The following FBXL7 variants were observed in gnomAD, a reference collection of about 807,000 sequenced individuals.
FBXL7 encodes the protein F-box and leucine rich repeat protein 7, also known as F-box/LRR-repeat protein 7.
FBXL7 carries 12 observed loss-of-function variants against 38.3 expected under a neutral mutation model. The ratio of observed to expected loss-of-function variants is 0.31; its 90% CI spans 0.20 to 0.51. The LOEUF (loss-of-function observed/expected upper bound fraction) is 0.51, where lower values mean the gene tolerates loss of function less well. FBXL7 is among the 20% of genes least tolerant of loss of function. The pLI, the probability that FBXL7 is intolerant of heterozygous loss-of-function variation, is 0.98. For missense variants in FBXL7, 567 were observed against 676.4 expected (o/e 0.84, Z 1.79); for synonymous variants, 297 against 300.9 (o/e 0.99, Z 0.13).
intron 2 of FBXL7, among the ~76,000 whole-genome samples, chr5:15,718,806 G>A (rs1166748820): frequency 1.3e-5 from 2 of 152,124 alleles, no homozygotes; most frequent in East Asian, 1.9e-4. Context: ...TTGTGTTCAC[G>A]GAGAATGAAT....
intron 2 of FBXL7, among the ~76,000 whole-genome samples, chr5:15,883,330 T>C (rs114447150): frequency 0.014 from 2,128 of 152,318 alleles, 48 homozygotes; most frequent in African/African-American, 0.047. Flanking sequence ...ATTTTTGTTT[T>C]TTCTGGAAGA....
At chr5:15,673,735 T>A (rs1157084473) in intron 2 of FBXL7, among the ~76,000 whole-genome samples, 1 of 152,196 alleles carries the variant, frequency 6.6e-6, no homozygotes, top group Non-Finnish European at 1.5e-5. Context: ...CCAAGCCTGA[T>A]CATCTACTTT....
intron 2 of FBXL7, among the ~76,000 whole-genome samples, chr5:15,628,640 A>G (rs1249227934): frequency 6.6e-6 from 1 of 152,202 alleles, no homozygotes; most frequent in African/African-American, 2.4e-5. Flanking sequence ...ATGTGAATAC[A>G]TTTAAGCATG....
intron 1 of FBXL7, among the ~76,000 whole-genome samples, chr5:15,575,064 G>C (rs768695800): frequency 6.6e-6 from 1 of 152,200 alleles, no homozygotes; most frequent in African/African-American, 2.4e-5. Flanking sequence ...CTGGCATCTG[G>C]CATCTAGTGA....
chr5:15,745,840 G>T (rs1439227184), intron 2 of FBXL7, among the ~76,000 whole-genome samples: 1 of 152,160 alleles, frequency 6.6e-6, no homozygotes, highest in African/African-American at 2.4e-5. Context: ...GGAATCCATT[G>T]GAGAGTTTAA....
intron 2 of FBXL7, among the ~76,000 whole-genome samples, chr5:15,926,380 T>C (rs1374164855): frequency 6.7e-6 from 1 of 148,164 alleles, no homozygotes; most frequent in Non-Finnish European, 1.5e-5. Flanking sequence ...ATAATATCAA[T>C]GTATATTATG....
At position 15,814,157 on chromosome 5, in the gene FBXL7, G is replaced by T. The variant is rs576703975; in HGVS notation, c.128-113733G>T. 2.0e-5 allele frequency among the ~76,000 whole-genome samples: 3 copies of T among 152,226 alleles called. No homozygotes were observed. In the South Asian group the frequency reaches 6.2e-4, roughly 32 times the overall value. ...GTTTATTGCAGCACTATTCACAATA[G>T]CAACGACTTGGAACCAACCCAAATG... is the stretch of plus-strand genomic sequence containing the variant. On this transcript the variant is annotated intron_variant, in intron 2 of 3. Transcript: ENST00000504595.
At chr5:15,562,516 T>C (rs926942299) in intron 1 of FBXL7, among the ~76,000 whole-genome samples, 1 of 152,142 alleles carries the variant, frequency 6.6e-6, no homozygotes, top group Non-Finnish European at 1.5e-5. Flanking sequence ...GTGCTCAATA[T>C]CATGATGTAT....
chr5:15,526,237 A>G (rs988484405), intron 1 of FBXL7, among the ~76,000 whole-genome samples: 2 of 152,062 alleles, frequency 1.3e-5, no homozygotes, highest in Non-Finnish European at 2.9e-5. Flanking sequence ...GGTGGGGGTA[A>G]GTTCCAATTG....
intron 2 of FBXL7, among the ~76,000 whole-genome samples, chr5:15,893,873 A>C (rs1373412664): frequency 1.3e-5 from 2 of 152,236 alleles, no homozygotes; most frequent in Non-Finnish European, 2.9e-5. Context: ...AAACACCCAT[A>C]TGGAGGCATG....
chr5:15,803,843 C>CGGTAGATG (rs1287098697), intron 2 of FBXL7, among the ~76,000 whole-genome samples: 2 of 152,146 alleles, frequency 1.3e-5, no homozygotes, highest in East Asian at 3.9e-4. Flanking sequence ...TCAGGCACTC[C>CGGTAGATG]GGTAGATGTG....
chr5:15,621,373 A>C (rs747047378), intron 2 of FBXL7, among the ~76,000 whole-genome samples: 3 of 152,182 alleles, frequency 2.0e-5, no homozygotes, highest in Non-Finnish European at 4.4e-5. Context: ...GACACAGCTT[A>C]ATTCTTTCCA....
chr5:15,767,084 T>TA (rs1214579477), intron 2 of FBXL7, among the ~76,000 whole-genome samples: 1 of 152,204 alleles, frequency 6.6e-6, no homozygotes, highest in East Asian at 1.9e-4. Context: ...CATGGTGATT[T>TA]GCTGCACATA....
intron 2 of FBXL7, among the ~76,000 whole-genome samples, chr5:15,753,674 TAGTG>T (rs1361680373): frequency 6.6e-6 from 1 of 152,188 alleles, no homozygotes; most frequent in Admixed American, 6.5e-5. Flanking sequence ...TATTCAGACA[TAGTG>T]AGGTACTTTG....
At chr5:15,633,651 G>A (rs1046123578) in intron 2 of FBXL7, among the ~76,000 whole-genome samples, 1 of 151,356 alleles carries the variant, frequency 6.6e-6, no homozygotes, top group Non-Finnish European at 1.5e-5. Flanking sequence ...CTAAATGTCA[G>A]GTATTGTACT....
intron 2 of FBXL7, among the ~76,000 whole-genome samples, chr5:15,684,253 A>T (rs964490871): frequency 6.6e-6 from 1 of 152,194 alleles, no homozygotes; most frequent in Non-Finnish European, 1.5e-5. Context: ...CTTAGGAATG[A>T]TCTGGTAAAG....
At chr5:15,808,308 C>T (rs1407072518) in intron 2 of FBXL7, among the ~76,000 whole-genome samples, 2 of 151,624 alleles carry the variant, frequency 1.3e-5, no homozygotes, top group African/African-American at 4.8e-5. Flanking sequence ...ATTAATTTGC[C>T]TTCATATTTA....
chr5:15,920,125 C>T (rs571680258), intron 2 of FBXL7, among the ~76,000 whole-genome samples: 5 of 152,266 alleles, frequency 3.3e-5, no homozygotes, highest in African/African-American at 1.2e-4. Flanking sequence ...GGTATGCTGG[C>T]AGGCGCCTGT....
intron 2 of FBXL7, among the ~76,000 whole-genome samples, chr5:15,741,118 T>C (rs2126674965): frequency 6.6e-6 from 1 of 152,342 alleles, no homozygotes; most frequent in Admixed American, 6.5e-5. Context: ...AGGCTAAAGG[T>C]GATTTTATTA....
Sources: gnomAD v4.1 joint callset for allele counts (sites outside exome capture counted in the v4.1 genomes callset) on GRCh38, gnomAD v4.1.1 for gene constraint, MANE v1.5 for transcripts, NCBI Gene and HGNC (gene_info 2026-07-23, HGNC 2026-07-21) for gene names.